The following VPS35 variants were observed in gnomAD, a reference collection of about 807,000 sequenced individuals.
VPS35 encodes vacuolar protein sorting-associated protein 35.
VPS35 carries 21 observed loss-of-function variants against 98.1 expected under a neutral mutation model. That is an observed-to-expected ratio of 0.21 (90% confidence interval 0.15 to 0.31). VPS35 has a LOEUF of 0.31. Among genes scored for constraint, VPS35 ranks in the 10% least tolerant of loss-of-function variants. VPS35 has a pLI of 1.00. For synonymous variants in VPS35, 268 were observed against 318.2 expected (o/e 0.84, Z 1.68); for missense variants, 554 against 950.8 (o/e 0.58, Z 5.49).
chr16:46,665,934 C>A (rs1268052713), intron 13 of VPS35, among the ~76,000 whole-genome samples: 1 of 151,832 alleles, frequency 6.6e-6, no homozygotes. Flanking sequence ...GACAGAGTCT[C>A]ACTTTGTCAC....
chr16:46,680,969 C>G, intron 4 of VPS35, 116 bp from the exon 5 acceptor site: 2 of 1,135,218 alleles, frequency 1.8e-6, no homozygotes, highest in African/African-American at 3.1e-5. Context: ...GTTGTTTTCT[C>G]CCGCATGACA....
At chr16:46,679,446 G>A (rs568274482) in intron 5 of VPS35, among the ~76,000 whole-genome samples, 34 of 152,278 alleles carry the variant, frequency 2.2e-4, no homozygotes, top group East Asian at 3.9e-4. Context: ...AAGGCTAGAA[G>A]GATGGGCATG....
At chr16:46,675,594 C>T (rs250421) in intron 8 of VPS35, among the ~76,000 whole-genome samples, 150,062 of 152,312 alleles carry the variant, frequency 0.99, 73,948 homozygotes, top group East Asian at 1. Flanking sequence ...ATTGAGCTGA[C>T]AATTTGGAAA....
chr16:46,663,195 A>G (rs1965939199), intron 13 of VPS35, 33 bp from the exon 14 acceptor site: 2 of 1,582,040 alleles, frequency 1.3e-6, no homozygotes, highest in South Asian at 2.2e-5. Flanking sequence ...AAGTTACCTT[A>G]AATTCAAAAT....
At chr16:46,663,291 C>T in intron 13 of VPS35, 129 bp from the exon 14 acceptor site, 1 of 835,570 alleles carries the variant, frequency 1.2e-6, no homozygotes, top group East Asian at 2.6e-5. Flanking sequence ...TTCTCTGTTT[C>T]AGTTATAGGG....
intron 1 of VPS35, chr16:46,688,891 G>A: frequency 6.9e-7 from 1 of 1,447,894 alleles, no homozygotes; most frequent in Non-Finnish European, 9.1e-7. Flanking sequence ...CAACCCCACA[G>A]AGAGGCCGCC....
In VPS35 at chr16:46,662,387, G is replaced by A; in HGVS notation, c.1923C>T (p.Phe641=). The change falls in exon 15 of 17, where the codon TTC becomes TTT. Residue 641 remains phenylalanine (F), a synonymous_variant. Coordinates refer to ENST00000299138, the MANE Select transcript of VPS35 (RefSeq NM_018206.6). Reference sequence around the variant, plus strand: ...TCAGAGGTTCGTGATTCTCTTCACTGAAGCACTTCATCCTTTCAAAAGTGC... The same window carrying A: ...TCAGAGGTTCGTGATTCTCTTCACTAAAGCACTTCATCCTTTCAAAAGTGC... ...IIGTFERMKC[F]SEENHEPLRT... 6.2e-7 allele frequency: 1 copy of A among 1,614,186 alleles called. No individual in the cohort carries two copies. The highest frequency in any genetic ancestry group is 8.5e-7 in the Non-Finnish European group (1 of 1,180,024).
Position 46,682,185 on chromosome 16 carries a change from T to C in VPS35, c.103-10A>G, listed in dbSNP as rs1237144658. ...TAAGCTTGTTTTTGTCCTACAGAAA[T>C]ACCAAGAGAATAGATGAGAATGCTT... On this transcript the variant is annotated splice_polypyrimidine_tract_variant and intron_variant, in intron 2 of 16. Transcript: ENST00000299138. 6.3e-6 allele frequency: 10 copies of C among 1,596,782 alleles called. No homozygotes were observed. Among genetic ancestry groups the C allele is most frequent in the Non-Finnish European group, 8.6e-6 (10 of 1,164,520 alleles).
At position 46,658,238 on chromosome 16, in the gene VPS35, C is replaced by T. The variant is rs1965859588; in HGVS notation, c.*2234G>A. On this transcript the variant is annotated 3_prime_UTR_variant, in exon 17 of 17. Transcript: ENST00000299138. The stretch of plus-strand genomic sequence containing the variant: ...AGAATTCATACAACCCTCTGCAGAA[C>T]TTCCCCATCCCCAATCCCTCAAAGC... 6.5e-6 allele frequency: 1 copy of T among 153,632 alleles called. No homozygotes were observed. The highest frequency in any genetic ancestry group is 2.4e-5 in the African/African-American group (1 of 41,454). The allele number at this position is 153,632 out of a possible 1,614,324, so 9.5% of individuals were successfully genotyped here.
chr16:46,683,448 G>C, intron 2 of VPS35, 60 bp downstream of exon 2: 1 of 1,476,424 alleles, frequency 6.8e-7, no homozygotes. Context: ...AGAAGACACT[G>C]CACATGCTTC....
At chr16:46,660,832 A>AC (rs1965902595) in intron 16 of VPS35, 181 bp from the exon 17 acceptor site, 3 of 687,138 alleles carry the variant, frequency 4.4e-6, no homozygotes, top group South Asian at 1.5e-5. Flanking sequence ...AAAAAAAAAA[A>AC]AAAAAAACAA....
chr16:46,662,611 C>T (rs1018126566), intron 14 of VPS35, 129 bp from the exon 15 acceptor site: 2 of 1,423,262 alleles, frequency 1.4e-6, no homozygotes, highest in African/African-American at 2.8e-5. Context: ...ACATGCTGCA[C>T]CCTCTCTTGA....
Position 46,672,477 on chromosome 16 carries a change from A to G in VPS35, c.1161-5T>C. 5 of 1,610,568 alleles carry G rather than the reference A, an allele frequency of 3.1e-6. No individual in the cohort carries two copies. The highest frequency in any genetic ancestry group is 4.2e-6 in the Non-Finnish European group (5 of 1,178,436). On this transcript the variant is annotated splice_polypyrimidine_tract_variant and splice_region_variant and intron_variant, in intron 10 of 16. Transcript: ENST00000299138. ...ACTGCACTACTGGTAGCAATACTAC[A>G]AAAAGAAAAACAGAAGTCTTAATGA...
intron 5 of VPS35, among the ~76,000 whole-genome samples, chr16:46,679,452 G>T (rs1966200238): frequency 6.6e-6 from 1 of 152,282 alleles, no homozygotes; most frequent in South Asian, 2.1e-4. Flanking sequence ...AGAAGGATGG[G>T]CATGGTGGCT....
rs185711510 is a variant in VPS35, at chr16:46,680,565, G to A, written c.506+106C>T. Reference sequence around the variant, plus strand: ...ACAAATGCTACCTAAATGGCTGACTGGGTGGAAGAATTATTCACACTTTGT... The same window carrying A: ...ACAAATGCTACCTAAATGGCTGACTAGGTGGAAGAATTATTCACACTTTGT... On this transcript the variant is annotated intron_variant, in intron 5 of 16. Transcript: ENST00000299138. 6.1e-3 allele frequency: 7,548 copies of A among 1,228,486 alleles called. 25 individuals are homozygous for A. Among genetic ancestry groups the A allele is most frequent in the Non-Finnish European group, 7.5e-3 (6,417 of 855,776 alleles). 76.1% of individuals were successfully genotyped at this position (1,228,486 alleles called of 1,614,324 possible).
chr16:46,659,099 C>T lies in VPS35; in HGVS notation c.*1373G>A, dbSNP rs1239059003. 1 of 152,276 alleles carries T rather than the reference C, an allele frequency of 6.6e-6. No homozygotes were observed. The highest frequency in any genetic ancestry group is 2.1e-4 in the South Asian group (1 of 4,832). 9.4% of individuals were successfully genotyped at this position (152,276 alleles called of 1,614,324 possible). On this transcript the variant is annotated 3_prime_UTR_variant, in exon 17 of 17. Coordinates refer to ENST00000299138, the MANE Select transcript of VPS35 (RefSeq NM_018206.6). ...CTGTGAGGACACTCTATGGAAGGGC[C>T]GTCAAGGAGAGGAACTGGGGCCTCT... is the stretch of plus-strand genomic sequence containing the variant.
intron 10 of VPS35, chr16:46,673,365 G>T (rs954294953): frequency 4.6e-5 from 7 of 152,140 alleles, no homozygotes; most frequent in Non-Finnish European, 8.8e-5. Context: ...AAGAACAAGG[G>T]TAACACAAAG....
At chr16:46,682,286 C>T (rs1596724647) in intron 2 of VPS35, 111 bp from the exon 3 acceptor site, 3 of 844,560 alleles carry the variant, frequency 3.6e-6, no homozygotes, top group African/African-American at 1.7e-5. Context: ...AAAAGAATAC[C>T]GCACTTAAAT....
Position 46,664,944 on chromosome 16 carries a change from A to C in VPS35, c.1648-1782T>G, listed in dbSNP as rs570849463. On this transcript the variant is annotated intron_variant, in intron 13 of 16. Transcript: ENST00000299138. ...ATTGAACTATTCCCTTTTAGACATA[A>C]TCTGTAATATTACAATGAATGTTCT... Among the ~76,000 whole-genome samples the C allele has an allele frequency of 1.3e-3, 196 of 152,366 alleles. 1 individual carries two copies. Among genetic ancestry groups the C allele is most frequent in the Admixed American group, 2.4e-3 (37 of 15,308 alleles).
Sources: allele counts gnomAD v4.1 joint callset (sites outside exome capture counted in the v4.1 genomes callset), GRCh38; gene constraint gnomAD v4.1.1; transcripts MANE v1.5; gene names NCBI Gene and HGNC (gene_info 2026-07-23, HGNC 2026-07-21).